The following CDH12 variants were observed in gnomAD, a reference collection of about 807,000 sequenced individuals.
CDH12 encodes cadherin-12.
A neutral mutation model predicts 74.1 loss-of-function variants in CDH12; 41 were observed. The observed-to-expected ratio is 0.55, with a 90% confidence interval of 0.43 to 0.72. The LOEUF (loss-of-function observed/expected upper bound fraction) is 0.72. Among genes scored for constraint, CDH12 ranks in the 30% least tolerant of loss-of-function variants. CDH12 has a pLI of 0.00. For missense variants in CDH12, 945 were observed against 977.2 expected (o/e 0.97, Z 0.44); for synonymous variants, 399 against 355.0 (o/e 1.12, Z -1.39).
intron 1 of CDH12, among the ~76,000 whole-genome samples, chr5:22,632,387 G>T (rs980947853): frequency 3.3e-5 from 5 of 151,904 alleles, no homozygotes; most frequent in Non-Finnish European, 7.4e-5. Context: ...ATTAAAAAAA[G>T]AACTGAAAAA....
intron 8 of CDH12, among the ~76,000 whole-genome samples, chr5:21,827,491 T>G (rs190040679): frequency 6.6e-6 from 1 of 152,270 alleles, no homozygotes; most frequent in Non-Finnish European, 1.5e-5. Context: ...AAAAGAAAAC[T>G]TATTACATCT....
chr5:22,342,333 ACT>A (rs767317616), intron 3 of CDH12, among the ~76,000 whole-genome samples: 8 of 152,156 alleles, frequency 5.3e-5, no homozygotes, highest in Non-Finnish European at 7.3e-5. Context: ...CAGCTGTATA[ACT>A]CTCAGAAACC....
At position 21,889,706 on chromosome 5, in the gene CDH12, T is replaced by TC. The variant is rs138402591; in HGVS notation, c.527-34917dup. 1,780 of 985,230 alleles carry TC rather than the reference T, an allele frequency of 1.8e-3. 33 individuals carry two copies. The African/African-American group carries it at 0.029, about 16-fold the overall frequency. The allele number at this position is 985,230 out of a possible 1,614,324, so 61.0% of individuals were successfully genotyped here. Reference sequence around the variant, plus strand: ...AAAGTATTCTCCAGTTCTTCTGCATTCTAGACATCTCAAAACAATATATGG... The same window carrying TC: ...AAAGTATTCTCCAGTTCTTCTGCATTCCTAGACATCTCAAAACAATATATGG... On this transcript the variant is annotated intron_variant, in intron 6 of 14. Transcript: ENST00000382254.
At chr5:22,192,080 A>G (rs975117925) in intron 4 of CDH12, among the ~76,000 whole-genome samples, 5 of 151,938 alleles carry the variant, frequency 3.3e-5, no homozygotes, top group Non-Finnish European at 7.4e-5. Context: ...GGATTATAGG[A>G]GGGCCACCAT....
rs551051864 is a variant in CDH12 at position 22,637,509 on chromosome 5, A to G, written c.-522-132145T>C. 7.9e-4 allele frequency among the ~76,000 whole-genome samples: 121 copies of G among 152,372 alleles called. 5 individuals are homozygous for G. The South Asian group carries it at 0.025, about 31-fold the overall frequency. On this transcript the variant is annotated intron_variant, in intron 1 of 14. Transcript: ENST00000382254. ...AGCACCAGATGCTACAAAGTGCTGC[A>G]TAAGCACAGGACAAAAGTACTCCTT...
chr5:22,144,580 A>G (rs1179104849), intron 4 of CDH12, among the ~76,000 whole-genome samples: 1 of 152,090 alleles, frequency 6.6e-6, no homozygotes, highest in Admixed American at 6.6e-5. Context: ...AAAAATGTGC[A>G]GTGTGTTTTA....
At chr5:22,710,126 A>G (rs1743217191) in intron 1 of CDH12, among the ~76,000 whole-genome samples, 1 of 152,092 alleles carries the variant, frequency 6.6e-6, no homozygotes. Flanking sequence ...TATTTCCTAT[A>G]ATTTATATTA....
intron 1 of CDH12, among the ~76,000 whole-genome samples, chr5:22,719,694 G>A (rs565753678): frequency 6.6e-6 from 1 of 152,290 alleles, no homozygotes; most frequent in East Asian, 1.9e-4. Flanking sequence ...GGGGGTAGAG[G>A]AGGCTACAGG....
intron 1 of CDH12, among the ~76,000 whole-genome samples, chr5:22,597,833 A>G (rs1736675970): frequency 6.6e-6 from 1 of 152,222 alleles, no homozygotes; most frequent in South Asian, 2.1e-4. Flanking sequence ...TTTAATGTGC[A>G]GGTATTCAAG....
At chr5:22,703,333 G>A (rs965658006) in intron 1 of CDH12, among the ~76,000 whole-genome samples, 2 of 151,984 alleles carry the variant, frequency 1.3e-5, no homozygotes, top group Admixed American at 1.3e-4. Context: ...CCCTTTCTGA[G>A]CAACATAGCC....
chr5:22,431,647 G>T (rs939411506), intron 2 of CDH12, among the ~76,000 whole-genome samples: 1 of 152,200 alleles, frequency 6.6e-6, no homozygotes, highest in Non-Finnish European at 1.5e-5. Context: ...CTCAATGCAT[G>T]TAAGTGCCCC....
At chr5:22,795,580 A>G (rs1037923011) in intron 1 of CDH12, among the ~76,000 whole-genome samples, 3 of 151,146 alleles carry the variant, frequency 2.0e-5, no homozygotes, top group African/African-American at 7.3e-5. Flanking sequence ...TATATAATAT[A>G]TACATATATA....
chr5:22,001,330 T>C (rs1037475248), intron 5 of CDH12, among the ~76,000 whole-genome samples: 3 of 128,978 alleles, frequency 2.3e-5, no homozygotes, highest in African/African-American at 1.3e-4. Context: ...ATAGAATCCT[T>C]CCATGTCACA....
intron 2 of CDH12, among the ~76,000 whole-genome samples, chr5:22,409,769 G>A (rs1743100809): frequency 6.6e-6 from 1 of 152,064 alleles, no homozygotes; most frequent in South Asian, 2.1e-4. Flanking sequence ...TGGAGAAAAG[G>A]ATAGGCTAAA....
chr5:22,691,068 T>G (rs1439208029), intron 1 of CDH12, among the ~76,000 whole-genome samples: 1 of 152,214 alleles, frequency 6.6e-6, no homozygotes, highest in Admixed American at 6.5e-5. Flanking sequence ...AAAAATATTT[T>G]TTTCCTTAGC....
intron 3 of CDH12, among the ~76,000 whole-genome samples, chr5:22,302,528 GATGTCAATAAAGCATCTTCAAAGTAGGGA>G (rs2150420925): frequency 6.6e-6 from 1 of 152,214 alleles, no homozygotes; most frequent in East Asian, 1.9e-4. Context: ...TCCAGATGAA[GATGTCAATAAAGCATCTTCAAAGTAGGGA>G]ATGCAATTCT....
chr5:22,074,685 T>A (rs1350660398), intron 5 of CDH12, among the ~76,000 whole-genome samples: 2 of 152,128 alleles, frequency 1.3e-5, no homozygotes, highest in African/African-American at 4.8e-5. Flanking sequence ...AAGACATTTA[T>A]GCAGCCAAAA....
chr5:22,457,329 G>A (rs1745318082), intron 2 of CDH12, among the ~76,000 whole-genome samples: 1 of 152,074 alleles, frequency 6.6e-6, no homozygotes, highest in African/African-American at 2.4e-5. Context: ...TCCCTCTGAA[G>A]TTGGTTGGAG....
chr5:21,949,601 G>A (rs1353879086), intron 6 of CDH12, among the ~76,000 whole-genome samples: 1 of 152,066 alleles, frequency 6.6e-6, no homozygotes, highest in African/African-American at 2.4e-5. Context: ...ACAAGATCTG[G>A]AGGTAGAAAA....
Sources: allele counts gnomAD v4.1 joint callset (sites outside exome capture counted in the v4.1 genomes callset), GRCh38; gene constraint gnomAD v4.1.1; transcripts MANE v1.5; gene names NCBI Gene and HGNC (gene_info 2026-07-23, HGNC 2026-07-21).